DPYD: variants seen among roughly 807,000 people sequenced by gnomAD.
DPYD encodes dihydropyrimidine dehydrogenase.
A neutral mutation model predicts 116.2 loss-of-function variants in DPYD; 109 were observed. The ratio of observed to expected loss-of-function variants is 0.94; its 90% CI spans 0.80 to 1.10. The LOEUF is 1.10. Ranked by LOEUF, DPYD falls within the 50% of genes least tolerant of loss-of-function variation. The probability of loss-of-function intolerance (pLI) is 0.00; values close to 1 mark genes in which losing one functional copy is unlikely to be tolerated. For synonymous variants in DPYD, 440 were observed against 432.0 expected, an observed-to-expected ratio of 1.02 and a Z score of -0.23; for missense variants, 1,302 against 1,254.5, an observed-to-expected ratio of 1.04 and a Z score of -0.57.
chr1:97,466,461 A>G lies in DPYD; in HGVS notation c.1741-16238T>C, dbSNP rs1032779568. Among the ~76,000 whole-genome samples the G allele has an allele frequency of 2.0e-5, 3 of 151,410 alleles. No homozygotes were observed. In the Admixed American group the frequency reaches 2.0e-4, roughly 10 times the overall value. On this transcript the variant is annotated intron_variant, in intron 13 of 22. Coordinates refer to ENST00000370192, the MANE Select transcript of DPYD (RefSeq NM_000110.4). ...AAGTAGCAACAGTAACAACGACAAC[A>G]AATACATTTTAAGTAACAATCGAGT...
At chr1:97,665,982 T>C (rs2100881058) in intron 8 of DPYD, among the ~76,000 whole-genome samples, 1 of 152,322 alleles carries the variant, frequency 6.6e-6, no homozygotes, top group East Asian at 1.9e-4. Flanking sequence ...AAAGAGGTTT[T>C]ATAGAAGTCC....
intron 14 of DPYD, among the ~76,000 whole-genome samples, chr1:97,406,045 A>C (rs1171478491): frequency 6.6e-6 from 1 of 152,010 alleles, no homozygotes; most frequent in Non-Finnish European, 1.5e-5. Flanking sequence ...TGGAGTTTTT[A>C]ACTCTCAGAC....
At chr1:97,218,135 T>C (rs1407587519) in intron 19 of DPYD, among the ~76,000 whole-genome samples, 1 of 152,150 alleles carries the variant, frequency 6.6e-6, no homozygotes, top group Admixed American at 6.5e-5. Context: ...ACACAAATAC[T>C]GTAAAGAATC....
intron 11 of DPYD, among the ~76,000 whole-genome samples, chr1:97,572,366 T>C (rs972180865): frequency 6.6e-6 from 1 of 151,934 alleles, no homozygotes; most frequent in African/African-American, 2.4e-5. Flanking sequence ...GTATCTGAGA[T>C]TGCAAAAGCT....
At chr1:97,801,759 T>C (rs1667857263) in intron 3 of DPYD, among the ~76,000 whole-genome samples, 1 of 151,860 alleles carries the variant, frequency 6.6e-6, no homozygotes, top group Admixed American at 6.6e-5. Flanking sequence ...CTGTATTCTG[T>C]GAAACTGTTT....
rs78554298 is a variant in DPYD at position 97,517,526 on chromosome 1, A to G, written c.1525-1585T>C. On this transcript the variant is annotated intron_variant, in intron 12 of 22. Coordinates refer to ENST00000370192, the MANE Select transcript of DPYD (RefSeq NM_000110.4). ...GTATTATCAATTAAATAAACAAACAAACAACTTTATTTAAAACATACTGAA... is the reference window on the plus strand; with the variant it reads ...GTATTATCAATTAAATAAACAAACAGACAACTTTATTTAAAACATACTGAA... Among the ~76,000 whole-genome samples the G allele has an allele frequency of 6.4e-3, 975 of 152,196 alleles. 20 individuals are homozygous for G. The highest frequency in any genetic ancestry group is 0.022 in the African/African-American group (914 of 41,548).
chr1:97,912,637 T>A (rs930996632), intron 1 of DPYD, among the ~76,000 whole-genome samples: 1 of 152,054 alleles, frequency 6.6e-6, no homozygotes, highest in Admixed American at 6.6e-5. Context: ...GTAATAATCA[T>A]GAAAAATAAT....
At chr1:97,802,704 T>C (rs1224429060) in intron 3 of DPYD, among the ~76,000 whole-genome samples, 1 of 151,930 alleles carries the variant, frequency 6.6e-6, no homozygotes, top group Non-Finnish European at 1.5e-5. Flanking sequence ...CTTGCCTTGG[T>C]TGAACTTTCT....
At chr1:97,835,953 C>G (rs1251077934) in intron 2 of DPYD, among the ~76,000 whole-genome samples, 1 of 152,144 alleles carries the variant, frequency 6.6e-6, no homozygotes, top group East Asian at 1.9e-4. Context: ...TGACCCATCT[C>G]CACTAAATTA....
intron 5 of DPYD, chr1:97,720,824 C>T: frequency 6.3e-7 from 1 of 1,589,578 alleles, no homozygotes; most frequent in Non-Finnish European, 8.6e-7. Context: ...TGGGAATTAA[C>T]CTGCTTGTTG....
intron 19 of DPYD, among the ~76,000 whole-genome samples, chr1:97,193,959 T>C (rs1658567530): frequency 6.6e-6 from 1 of 152,210 alleles, no homozygotes; most frequent in Non-Finnish European, 1.5e-5. Flanking sequence ...GAATAGGTTA[T>C]GGCCTTCTTT....
At chr1:97,677,077 A>T (rs140625083) in intron 8 of DPYD, among the ~76,000 whole-genome samples, 2 of 152,210 alleles carry the variant, frequency 1.3e-5, no homozygotes, top group Non-Finnish European at 2.9e-5. Flanking sequence ...TTAATAGTAT[A>T]AAATTAAATT....
At chr1:97,768,981 A>C (rs1055781592) in intron 3 of DPYD, among the ~76,000 whole-genome samples, 1 of 152,016 alleles carries the variant, frequency 6.6e-6, no homozygotes, top group Non-Finnish European at 1.5e-5. Flanking sequence ...AAAACACATA[A>C]AAAACTCGAG....
intron 16 of DPYD, among the ~76,000 whole-genome samples, chr1:97,346,645 A>G (rs1669860584): frequency 1.3e-5 from 2 of 151,884 alleles, no homozygotes; most frequent in Non-Finnish European, 1.5e-5. Context: ...TATCTACTTA[A>G]ACTTGATTTT....
intron 1 of DPYD, among the ~76,000 whole-genome samples, chr1:97,907,507 A>G (rs1673697223): frequency 6.6e-6 from 1 of 152,142 alleles, no homozygotes; most frequent in Non-Finnish European, 1.5e-5. Context: ...ACAAAGCTCA[A>G]AAGTGCCAGA....
At chr1:97,576,154 G>A (rs895982094) in intron 10 of DPYD, among the ~76,000 whole-genome samples, 1 of 151,948 alleles carries the variant, frequency 6.6e-6, no homozygotes, top group South Asian at 2.1e-4. Flanking sequence ...TTTCTGTATC[G>A]CTTTTGTCAT....
chr1:97,787,939 C>T (rs1667126144), intron 3 of DPYD, among the ~76,000 whole-genome samples: 1 of 152,164 alleles, frequency 6.6e-6, no homozygotes, highest in African/African-American at 2.4e-5. Flanking sequence ...AGAAAAATCA[C>T]ACGGTAGTAG....
chr1:97,410,969 T>C lies in DPYD; in HGVS notation c.1906-28508A>G, dbSNP rs534307090. 5.4e-4 allele frequency among the ~76,000 whole-genome samples: 82 copies of C among 152,186 alleles called. No individual in the cohort carries two copies. The South Asian group carries it at 8.7e-3, about 16-fold the overall frequency. On this transcript the variant is annotated intron_variant, in intron 14 of 22. Transcript: ENST00000370192. Reference sequence around the variant, plus strand: ...ATAGAGGGCCACTATTGCAAACAGATACTACGTCAAAGATAGAATAGTGAG... The same window carrying C: ...ATAGAGGGCCACTATTGCAAACAGACACTACGTCAAAGATAGAATAGTGAG...
At chr1:97,343,431 C>T (rs1270310505) in intron 16 of DPYD, among the ~76,000 whole-genome samples, 1 of 151,794 alleles carries the variant, frequency 6.6e-6, no homozygotes, top group Non-Finnish European at 1.5e-5. Flanking sequence ...ATGCCTTTTG[C>T]TAAAAGTAAT....
Sources: gnomAD v4.1 joint callset for allele counts (sites outside exome capture counted in the v4.1 genomes callset) on GRCh38, gnomAD v4.1.1 for gene constraint, MANE v1.5 for transcripts, NCBI Gene and HGNC (gene_info 2026-07-23, HGNC 2026-07-21) for gene names.